Variants in SNX1 observed in about 807,000 individuals in gnomAD.
SNX1 encodes sorting nexin-1.
SNX1 carries 36 observed loss-of-function variants against 71.8 expected under a neutral mutation model. The observed-to-expected ratio is 0.50, with a 90% CI of 0.38 to 0.66. The LOEUF is 0.66. Among genes scored for constraint, SNX1 ranks in the 30% least tolerant of loss-of-function variants. The pLI is 0.00. For synonymous variants in SNX1, 254 were observed against 240.7 expected, an observed-to-expected ratio of 1.06 and a Z score of -0.51; for missense variants, 612 against 646.7, an observed-to-expected ratio of 0.95 and a Z score of 0.58.
intron 1 of SNX1, among the ~76,000 whole-genome samples, chr15:64,096,736 A>AGG (rs1175934861): frequency 6.6e-6 from 1 of 152,206 alleles, no homozygotes; most frequent in Non-Finnish European, 1.5e-5. Context: ...GGTGGACAGA[A>AGG]GGCACTGCCA....
chr15:64,098,562 A>G (rs1238266720), intron 1 of SNX1, among the ~76,000 whole-genome samples: 2 of 152,092 alleles, frequency 1.3e-5, no homozygotes, highest in African/African-American at 2.4e-5. Flanking sequence ...GCATGGTGGC[A>G]CGTGCCTGTA....
chr15:64,117,590 G>T (rs2081143376), intron 2 of SNX1, among the ~76,000 whole-genome samples: 1 of 152,100 alleles, frequency 6.6e-6, no homozygotes, highest in African/African-American at 2.4e-5. Flanking sequence ...AATAAATAGG[G>T]CTCATATAAT....
chr15:64,110,990 G>A (rs1449827070), intron 1 of SNX1, among the ~76,000 whole-genome samples: 10 of 152,060 alleles, frequency 6.6e-5, no homozygotes, highest in African/African-American at 1.5e-4. Context: ...AATCTCCCCC[G>A]TGAGCTACTA....
At chr15:64,136,228 A>G (rs572039338) in intron 12 of SNX1, 102 bp from the exon 13 acceptor site, 47 of 862,206 alleles carry the variant, frequency 5.5e-5, no homozygotes, top group South Asian at 5.3e-4. Context: ...GACAGACATA[A>G]TGATCAATTG....
intron 12 of SNX1, 38 bp from the exon 13 acceptor site, chr15:64,136,292 T>C: frequency 2.7e-6 from 4 of 1,506,970 alleles, no homozygotes; most frequent in Non-Finnish European, 3.7e-6. Flanking sequence ...AATGGTGCCA[T>C]AATATGAGGT....
chr15:64,119,429 C>A (rs1446086593), intron 4 of SNX1, among the ~76,000 whole-genome samples: 1 of 152,098 alleles, frequency 6.6e-6, no homozygotes, highest in African/African-American at 2.4e-5. Context: ...GCTAGAGTCT[C>A]TTTTTAAAAA....
Position 64,129,781 on chromosome 15 carries a change from T to A in SNX1, c.808-135T>A, listed in dbSNP as rs560059513. 1.5e-6 allele frequency: 1 copy of A among 652,240 alleles called. No homozygotes were observed. Among genetic ancestry groups the A allele is most frequent in the South Asian group, 1.8e-5 (1 of 55,412 alleles). The allele number at this position is 652,240 out of a possible 1,614,324, so 40.4% of individuals were successfully genotyped here. On this transcript the variant is annotated intron_variant, in intron 8 of 14. Transcript: ENST00000559844. This position sits in a 1 kb window ranked among gnomAD's most constrained non-coding sequence, Gnocchi z 4.4. Reference sequence around the variant, plus strand: ...CATGTTAGTTGTGGATTCCTCAGACTGCCTTTGAAAACAATTTACAGTTCA... The same window carrying A: ...CATGTTAGTTGTGGATTCCTCAGACAGCCTTTGAAAACAATTTACAGTTCA...
intron 11 of SNX1, among the ~76,000 whole-genome samples, chr15:64,133,352 A>G (rs750266177): frequency 5.3e-5 from 8 of 152,358 alleles, no homozygotes; most frequent in Non-Finnish European, 1.0e-4. Flanking sequence ...AGCAGTGACA[A>G]TCCTGGGGCA....
In SNX1 at chr15:64,134,603, G is replaced by C; in HGVS notation, c.1222-61G>C. The C allele has an allele frequency of 3.9e-6, 6 of 1,554,118 alleles. No homozygotes were observed. Reference sequence around the variant, plus strand: ...CAGCTGCTGGGAGAGCCTGCCTCGAGGCAGAGCCAGCAGAGCTCTTGAAGA... The same window carrying C: ...CAGCTGCTGGGAGAGCCTGCCTCGACGCAGAGCCAGCAGAGCTCTTGAAGA... On this transcript the variant is annotated intron_variant, in intron 11 of 14. Coordinates refer to ENST00000559844, the MANE Select transcript of SNX1 (RefSeq NM_003099.5). The surrounding 1 kb of genome is among the most constrained non-coding windows in gnomAD (Gnocchi z 4.1).
chr15:64,131,290 CTA>C (rs1408379944), intron 10 of SNX1, among the ~76,000 whole-genome samples: 2 of 152,170 alleles, frequency 1.3e-5, no homozygotes, highest in African/African-American at 2.4e-5. Context: ...ACGTGCAAGA[CTA>C]TACGATGTGC....
intron 10 of SNX1, among the ~76,000 whole-genome samples, chr15:64,130,996 T>C (rs1222131209): frequency 1.3e-5 from 2 of 152,172 alleles, no homozygotes; most frequent in East Asian, 3.9e-4. Flanking sequence ...CTAAAAAATT[T>C]ATTATTAGCC....
At chr15:64,109,519 TG>T (rs1462215099) in intron 1 of SNX1, among the ~76,000 whole-genome samples, 1 of 150,484 alleles carries the variant, frequency 6.6e-6, no homozygotes, top group Non-Finnish European at 1.5e-5. Context: ...TGTTTTGTTT[TG>T]TTTTTTTGAG....
At chr15:64,125,280 T>C (rs1309345372) in intron 5 of SNX1, among the ~76,000 whole-genome samples, 1 of 151,828 alleles carries the variant, frequency 6.6e-6, no homozygotes, top group East Asian at 1.9e-4. Context: ...CCGGCCAACA[T>C]GGTGAAACCC....
rs1219951058 is a variant in SNX1 at position 64,142,445 on chromosome 15, T to G, written c.*4827T>G. On this transcript the variant is annotated 3_prime_UTR_variant, in exon 15 of 15. Transcript: ENST00000559844. ...GACAAACTTAAGCATGTTAATAAAA[T>G]TCAGAGAAGAGAAAGAGAATGACTA... 3 of 315,982 alleles carry G rather than the reference T, an allele frequency of 9.5e-6. No homozygotes were observed. The highest frequency in any genetic ancestry group is 1.9e-5 in the Non-Finnish European group (3 of 158,762). The allele number at this position is 315,982 out of a possible 1,614,324, so 19.6% of individuals were successfully genotyped here.
Position 64,123,525 on chromosome 15 carries a change from A to G in SNX1, c.489A>G (p.Val163=). ...CAGGGGATGGTATGAATGCATATGT[A>G]GCCTACAAAGTTACAACACAGGTGA... is the stretch of plus-strand genomic sequence containing the variant. ...EKIGDGMNAY[V]AYKVTTQTSL... The change falls in exon 5 of 15, where the codon GTA becomes GTG. Residue 163 remains valine (V), a synonymous_variant. Coordinates refer to ENST00000559844, the MANE Select transcript of SNX1 (RefSeq NM_003099.5). The G allele has an allele frequency of 6.2e-7, 1 of 1,613,994 alleles. No homozygotes were observed. Among genetic ancestry groups the G allele is most frequent in the Non-Finnish European group, 8.5e-7 (1 of 1,179,880 alleles).
chr15:64,128,616 T>G (rs2081276841), intron 8 of SNX1, among the ~76,000 whole-genome samples: 1 of 152,216 alleles, frequency 6.6e-6, no homozygotes, highest in Non-Finnish European at 1.5e-5. Context: ...GGGGGTTTTC[T>G]CCTCTAAAAT....
At chr15:64,117,619 G>A (rs1317611329) in intron 2 of SNX1, among the ~76,000 whole-genome samples, 2 of 152,062 alleles carry the variant, frequency 1.3e-5, no homozygotes, top group Non-Finnish European at 1.5e-5. Flanking sequence ...GGAATACTCC[G>A]AAGATTAAAA....
intron 4 of SNX1, among the ~76,000 whole-genome samples, chr15:64,119,952 G>A (rs1301143104): frequency 6.6e-6 from 1 of 152,070 alleles, no homozygotes; most frequent in Non-Finnish European, 1.5e-5. Flanking sequence ...GTCTATCTGT[G>A]GGATCCAAGT....
rs1012233222 is a variant in SNX1, at chr15:64,141,782, G to A, written c.*4164G>A. ...CGTGAGACTGGAGGCAGGAAGAGCA[G>A]CCAGGCTTATCCCTACCCTCAGGAG... On this transcript the variant is annotated 3_prime_UTR_variant, in exon 15 of 15. Transcript: ENST00000559844. This position sits in a 1 kb window ranked among gnomAD's most constrained non-coding sequence, Gnocchi z 5.1. 6.6e-6 allele frequency: 1 copy of A among 152,450 alleles called. No homozygotes were observed. The highest frequency in any genetic ancestry group is 1.5e-5 in the Non-Finnish European group (1 of 68,218). The allele number at this position is 152,450 out of a possible 1,614,324, so 9.4% of individuals were successfully genotyped here.
Sources: allele counts gnomAD v4.1 joint callset (sites outside exome capture counted in the v4.1 genomes callset), GRCh38; gene constraint gnomAD v4.1.1; non-coding constraint Gnocchi (gnomAD v3.1); transcripts MANE v1.5; gene names NCBI Gene and HGNC (gene_info 2026-07-23, HGNC 2026-07-21).